The following PACS2 variants were observed in gnomAD, a reference collection of about 807,000 sequenced individuals.
PACS2 encodes phosphofurin acidic cluster sorting protein 2.
In PACS2, 36 loss-of-function variants were observed where a neutral mutation model predicts 113.0. The ratio of observed to expected loss-of-function variants is 0.32; its 90% CI spans 0.24 to 0.42. The LOEUF is 0.42. Among genes scored for constraint, PACS2 ranks in the 10% least tolerant of loss-of-function variants. The pLI, the probability that PACS2 is intolerant of heterozygous loss-of-function variation, is 1.00. For missense variants in PACS2, 1,015 were observed against 1,239.5 expected, an observed-to-expected ratio of 0.82 and a Z score of 2.72; for synonymous variants, 589 against 536.1, an observed-to-expected ratio of 1.10 and a Z score of -1.36.
chr14:105,380,807 T>C, intron 11 of PACS2, 150 bp from the exon 12 acceptor site: 4 of 718,872 alleles, frequency 5.6e-6, no homozygotes, highest in Non-Finnish European at 8.7e-6. Flanking sequence ...TCAGCTAGGC[T>C]CCCTGGTCAG....
At chr14:105,319,017 A>G (rs1262399885) in intron 1 of PACS2, among the ~76,000 whole-genome samples, 1 of 145,828 alleles carries the variant, frequency 6.9e-6, no homozygotes, top group Non-Finnish European at 1.5e-5. Flanking sequence ...GCACGATCTC[A>G]GCTCACTACA....
At chr14:105,361,401 C>A (rs2060672680) in intron 4 of PACS2, among the ~76,000 whole-genome samples, 1 of 152,222 alleles carries the variant, frequency 6.6e-6, no homozygotes, top group South Asian at 2.1e-4. Flanking sequence ...CTTTGGCAGG[C>A]CAGGGCGGGT....
At position 105,318,610 on chromosome 14, in the gene PACS2, C is replaced by T. The variant is rs587598394; in HGVS notation, c.119+3573C>T. ...GACTACAGGCGCCTGCCAGCATGCC[C>T]GGCTAATTTTTGTATTTTTATTTTA... On this transcript the variant is annotated intron_variant, in intron 1 of 24. Transcript: ENST00000447393. Among the ~76,000 whole-genome samples the T allele has an allele frequency of 1.1e-4, 17 of 150,932 alleles. No individual in the cohort carries two copies. The East Asian group carries it at 1.5e-3, about 14-fold the overall frequency.
At chr14:105,311,692 T>C (rs182761389), upstream of PACS2, among the ~76,000 whole-genome samples, 112 of 152,306 alleles carry the variant, frequency 7.4e-4, 2 homozygotes, top group Admixed American at 2.8e-3. Flanking sequence ...GTTGAGCTGC[T>C]CTAAGGGTGA....
intron 1 of PACS2, among the ~76,000 whole-genome samples, chr14:105,327,862 C>CGAT (rs587737812): frequency 1.3e-4 from 19 of 151,506 alleles, no homozygotes; most frequent in African/African-American, 4.4e-4. Flanking sequence ...CCAGGCCACC[C>CGAT]GATGGACCAT....
chr14:105,343,636 C>T (rs1229740407), intron 1 of PACS2, among the ~76,000 whole-genome samples: 1 of 151,642 alleles, frequency 6.6e-6, no homozygotes, highest in Non-Finnish European at 1.5e-5. Context: ...AGCATCTTTT[C>T]ATGTGCTTAT....
At position 105,315,798 on chromosome 14, in the gene PACS2, A is replaced by G. The variant is rs1300378936; in HGVS notation, c.119+761A>G. ...TTTTGTAATTTCTTCGTGACTTGGT[A>G]GTTCCTGCTCAGGAAGCTCCCAGGC... On this transcript the variant is annotated intron_variant, in intron 1 of 24. Coordinates refer to ENST00000447393, the MANE Select transcript of PACS2 (RefSeq NM_001100913.3). The surrounding 1 kb of genome is among the most constrained non-coding windows in gnomAD (Gnocchi z 4.4). Among the ~76,000 whole-genome samples the G allele has an allele frequency of 6.6e-6, 1 of 152,206 alleles. No homozygotes were observed. Among genetic ancestry groups the G allele is most frequent in the Non-Finnish European group, 1.5e-5 (1 of 68,036 alleles).
chr14:105,314,632 C>T (rs1403615554), upstream of PACS2: 1 of 144,036 alleles, frequency 6.9e-6, no homozygotes, highest in Non-Finnish European at 1.5e-5. Context: ...CGAGCTGGCG[C>T]CCCGCCCAGC....
At chr14:105,352,566 C>G (rs1402330561) in intron 3 of PACS2, 99 bp downstream of exon 3, 1 of 661,796 alleles carries the variant, frequency 1.5e-6, no homozygotes, top group African/African-American at 1.9e-5. Context: ...CCCCCCTCAT[C>G]ACTGTCCCCT....
chr14:105,365,837 G>C lies in PACS2; in HGVS notation c.424-1376G>C, dbSNP rs1555407830. On this transcript the variant is annotated intron_variant, in intron 4 of 24. Transcript: ENST00000447393. The surrounding 1 kb of genome is among the most constrained non-coding windows in gnomAD (Gnocchi z 5.1). ...TGAGAAGGCGACTCAGGGTGCTGGG[G>C]GCCTGGACAACAGCAGCCTCCAAGT... is the stretch of plus-strand genomic sequence containing the variant. 6.6e-6 allele frequency among the ~76,000 whole-genome samples: 1 copy of C among 152,186 alleles called. No individual in the cohort carries two copies. Among genetic ancestry groups the C allele is most frequent in the African/African-American group, 2.4e-5 (1 of 41,434 alleles).
intron 1 of PACS2, among the ~76,000 whole-genome samples, chr14:105,316,680 C>T (rs2058656289): frequency 6.6e-6 from 1 of 151,996 alleles, no homozygotes. Flanking sequence ...TCTAGAAAGC[C>T]CACTCTGGTG....
chr14:105,385,703 T>G lies in PACS2; in HGVS notation c.2019T>G (p.Phe673Leu). 6.6e-7 allele frequency: 1 copy of G among 1,520,790 alleles called. No homozygotes were observed. 94.2% of individuals were successfully genotyped at this position (1,520,790 alleles called of 1,614,324 possible). The change falls in exon 19 of 25, where the codon TTT (phenylalanine) becomes TTG (leucine). Residue 673 changes from phenylalanine to leucine, a missense_variant. Transcript: ENST00000447393. ...YKQKRKKHFHFDFTLSPDEES... is the reference protein window; with the variant it reads ...YKQKRKKHFHLDFTLSPDEES... ...TGAAAAGGAAAAAGCATTTTCATTT[T>G]GACTTTACCCTAAGGTACGGCTCTG...
chr14:105,389,776 GC>G, intron 19 of PACS2, 184 bp from the exon 20 acceptor site: 1 of 644,962 alleles, frequency 1.6e-6, no homozygotes, highest in Non-Finnish European at 2.8e-6. Context: ...TGGGGGCCAG[GC>G]CAGGGCTGGC....
At position 105,348,636 on chromosome 14, in the gene PACS2, C is replaced by A; in HGVS notation, c.207+56C>A. 1.6e-6 allele frequency: 2 copies of A among 1,285,342 alleles called. No individual in the cohort carries two copies. Among genetic ancestry groups the A allele is most frequent in the Non-Finnish European group, 1.1e-6 (1 of 886,838 alleles). 79.6% of individuals were successfully genotyped at this position (1,285,342 alleles called of 1,614,324 possible). ...GGGTGCTGTGTAGGCTTTCCATGTG[C>A]CTGGGAGACGAGTCAGGCGGTGCGC... On this transcript the variant is annotated intron_variant, in intron 2 of 24. Transcript: ENST00000447393. This position sits in a 1 kb window ranked among gnomAD's most constrained non-coding sequence, Gnocchi z 6.4.
rs1555415869 is a variant in PACS2, at chr14:105,394,175, A to C, written c.2597-379A>C. 5 of 985,038 alleles carry C rather than the reference A, an allele frequency of 5.1e-6. No homozygotes were observed. The African/African-American group carries it at 8.7e-5, about 17-fold the overall frequency. The allele number at this position is 985,038 out of a possible 1,614,324, so 61.0% of individuals were successfully genotyped here. On this transcript the variant is annotated intron_variant, in intron 24 of 24. Coordinates refer to ENST00000447393, the MANE Select transcript of PACS2 (RefSeq NM_001100913.3). ...GGTCGACGTGGCCCTGTCTCCCCACAGGGGTCTCTGTTTTAAGGGGGCTCC... is the reference window on the plus strand; with the variant it reads ...GGTCGACGTGGCCCTGTCTCCCCACCGGGGTCTCTGTTTTAAGGGGGCTCC...
intron 16 of PACS2, chr14:105,383,942 C>T (rs1451720859): frequency 3.6e-6 from 1 of 279,952 alleles, no homozygotes; most frequent in African/African-American, 2.2e-5. Context: ...TCCATTACTT[C>T]TTTAGGTCCA....
intron 1 of PACS2, among the ~76,000 whole-genome samples, chr14:105,322,702 A>G (rs1202506301): frequency 2.6e-5 from 4 of 152,110 alleles, no homozygotes; most frequent in African/African-American, 9.7e-5. Flanking sequence ...GTGTATCTTA[A>G]TTGTTTTCTT....
chr14:105,341,331 CAATG>C (rs1177708099), intron 1 of PACS2, among the ~76,000 whole-genome samples: 1 of 152,164 alleles, frequency 6.6e-6, no homozygotes, highest in Non-Finnish European at 1.5e-5. Context: ...CGAGCAGACA[CAATG>C]AAAGAGGAAA....
rs1486916978 is a variant in PACS2 at position 105,395,312 on chromosome 14, C to G, written c.*640C>G. The G allele has an allele frequency of 1.3e-5, 2 of 152,426 alleles. No homozygotes were observed. The highest frequency in any genetic ancestry group is 4.8e-5 in the African/African-American group (2 of 41,470). 9.4% of individuals were successfully genotyped at this position (152,426 alleles called of 1,614,324 possible). A position where few individuals can be genotyped will look rare whatever the true frequency, so the allele number is the denominator to read the frequency against. Reference sequence around the variant, plus strand: ...GGGCAGAGCCAGCAGAGCCTGCCCCCACTTCCCCAGCCCCTGCCCCACCCC... The same window carrying G: ...GGGCAGAGCCAGCAGAGCCTGCCCCGACTTCCCCAGCCCCTGCCCCACCCC... On this transcript the variant is annotated 3_prime_UTR_variant, in exon 25 of 25. Coordinates refer to ENST00000447393, the MANE Select transcript of PACS2 (RefSeq NM_001100913.3).
Sources: allele counts gnomAD v4.1 joint callset (sites outside exome capture counted in the v4.1 genomes callset), GRCh38; gene constraint gnomAD v4.1.1; non-coding constraint Gnocchi (gnomAD v3.1); transcripts MANE v1.5; gene names NCBI Gene and HGNC (gene_info 2026-07-23, HGNC 2026-07-21).